Variants in PCDHGB3 observed in about 807,000 individuals in gnomAD.
PCDHGB3 encodes protocadherin gamma-B3.
In PCDHGB3, 40 loss-of-function variants were observed where a neutral mutation model predicts 59.2. The ratio of observed to expected loss-of-function variants is 0.68; its 90% CI spans 0.52 to 0.88. The LOEUF (loss-of-function observed/expected upper bound fraction) is 0.88, where lower values mean the gene tolerates loss of function less well. Ranked by LOEUF, PCDHGB3 falls within the 40% of genes least tolerant of loss-of-function variation. The pLI, the probability that PCDHGB3 is intolerant of heterozygous loss-of-function variation, is 0.00. For synonymous variants in PCDHGB3, 581 were observed against 503.6 expected (o/e 1.15, Z -2.06); for missense variants, 1,309 against 1,187.9 (o/e 1.10, Z -1.50).
rs755837851 is a variant in PCDHGB3, at chr5:141,376,241, C to G, written c.2415+3432C>G. On this transcript the variant is annotated intron_variant, in intron 1 of 3. Coordinates refer to ENST00000576222, the MANE Select transcript of PCDHGB3 (RefSeq NM_018924.5). ...GCTGGCGCTCAGACTGCAGCGCTGG[C>G]ACAAGTCACGCCTGCTGCAGGCTTC... 1.9e-6 allele frequency: 3 copies of G among 1,614,236 alleles called. No homozygotes were observed. The South Asian group carries it at 3.3e-5, about 18-fold the overall frequency.
chr5:141,392,750 G>A lies in PCDHGB3; in HGVS notation c.2415+19941G>A, dbSNP rs561923783. On this transcript the variant is annotated intron_variant, in intron 1 of 3. Coordinates refer to ENST00000576222, the MANE Select transcript of PCDHGB3 (RefSeq NM_018924.5). ...ATTGTCATCTCCATAGCTGCGGCAAGAAACTAAATAAGACCCATTTATGCA... is the reference window on the plus strand; with the variant it reads ...ATTGTCATCTCCATAGCTGCGGCAAAAAACTAAATAAGACCCATTTATGCA... 25 of 1,451,824 alleles carry A rather than the reference G, an allele frequency of 1.7e-5. No homozygotes were observed. In the Admixed American group the frequency reaches 4.2e-4, roughly 24 times the overall value. The allele number at this position is 1,451,824 out of a possible 1,614,324, so 89.9% of individuals were successfully genotyped here.
chr5:141,387,301 AT>A (rs888289074), intron 1 of PCDHGB3, among the ~76,000 whole-genome samples: 1 of 152,242 alleles, frequency 6.6e-6, no homozygotes, highest in African/African-American at 2.4e-5. Flanking sequence ...TGTATCCAGT[AT>A]ATTTCTAATG....
At chr5:141,401,485 G>A (rs2094160307) in intron 1 of PCDHGB3, among the ~76,000 whole-genome samples, 2 of 152,152 alleles carry the variant, frequency 1.3e-5, no homozygotes, top group Admixed American at 6.5e-5. Context: ...AGGTTTTCTT[G>A]GATGCAAAAT....
At chr5:141,413,215 T>C in intron 1 of PCDHGB3, 1 of 1,613,350 alleles carries the variant, frequency 6.2e-7, no homozygotes, top group Non-Finnish European at 8.5e-7. Context: ...ATCAAAGGAT[T>C]GCAGCGGGCT....
chr5:141,418,016 G>C (rs772945671), intron 1 of PCDHGB3: 1 of 1,613,968 alleles, frequency 6.2e-7, no homozygotes, highest in Non-Finnish European at 8.5e-7. Context: ...CCTCGCTAAG[G>C]ATCTAGGGCT....
At position 141,393,057 on chromosome 5, in the gene PCDHGB3, G is replaced by C. The variant is rs1273747847; in HGVS notation, c.2415+20248G>C. 9 of 1,613,514 alleles carry C rather than the reference G, an allele frequency of 5.6e-6. No homozygotes were observed. The highest frequency in any genetic ancestry group is 2.2e-5 in the South Asian group (2 of 91,064). ...GCTCTTTGCTCTGAACCCGCGCAGC[G>C]GCAGCTTGATCACCGCGGGCAGGAT... On this transcript the variant is annotated intron_variant, in intron 1 of 3. Coordinates refer to ENST00000576222, the MANE Select transcript of PCDHGB3 (RefSeq NM_018924.5).
rs370067669 is a variant in PCDHGB3 at position 141,419,410 on chromosome 5, G to A, written c.2415+46601G>A. ...CGCAGAGCGGGGTGGTGTTCGCGCA[G>A]CGCGCCTTCGACCACGAGCAGCTGC... On this transcript the variant is annotated intron_variant, in intron 1 of 3. Coordinates refer to ENST00000576222, the MANE Select transcript of PCDHGB3 (RefSeq NM_018924.5). 140 of 1,613,468 alleles carry A rather than the reference G, an allele frequency of 8.7e-5. No individual in the cohort carries two copies. In the African/African-American group the frequency reaches 1.8e-3, roughly 20 times the overall value.
At chr5:141,451,776 G>C (rs1279891846) in intron 1 of PCDHGB3, among the ~76,000 whole-genome samples, 1 of 152,078 alleles carries the variant, frequency 6.6e-6, no homozygotes, top group Non-Finnish European at 1.5e-5. Flanking sequence ...AGCTACTCAG[G>C]AGGCTGAGGC....
intron 2 of PCDHGB3, among the ~76,000 whole-genome samples, chr5:141,496,104 G>A (rs950960102): frequency 6.8e-6 from 1 of 146,980 alleles, no homozygotes; most frequent in African/African-American, 2.5e-5. Context: ...CCAACACCCC[G>A]CTCTCTTCCT....
chr5:141,453,364 G>A (rs921978865), intron 1 of PCDHGB3, among the ~76,000 whole-genome samples: 4 of 151,814 alleles, frequency 2.6e-5, no homozygotes, highest in African/African-American at 9.7e-5. Flanking sequence ...GAACTCCTGG[G>A]GTCAAGTGAT....
chr5:141,495,103 C>T (rs1383918796), intron 2 of PCDHGB3, among the ~76,000 whole-genome samples: 2 of 152,132 alleles, frequency 1.3e-5, no homozygotes, highest in Non-Finnish European at 2.9e-5. Context: ...TCGCCACGAC[C>T]GGCACCTTTT....
chr5:141,400,189 C>T (rs376855933), intron 1 of PCDHGB3: 52 of 1,613,938 alleles, frequency 3.2e-5, no homozygotes, highest in Non-Finnish European at 4.2e-5. Flanking sequence ...GCAGTTTTAC[C>T]TAGTGGTGGC....
chr5:141,404,169 C>T (rs199556803), intron 1 of PCDHGB3: 118 of 1,612,734 alleles, frequency 7.3e-5, no homozygotes, highest in Non-Finnish European at 8.8e-5. Flanking sequence ...AGATTGTTGA[C>T]GGCCCAAATT....
chr5:141,383,849 T>C (rs757932608), intron 1 of PCDHGB3: 9 of 1,613,952 alleles, frequency 5.6e-6, no homozygotes, highest in South Asian at 4.4e-5. Flanking sequence ...TTCTATGAAA[T>C]GGAGGTTCAG....
At chr5:141,420,883 C>A (rs992351503) in intron 1 of PCDHGB3, among the ~76,000 whole-genome samples, 1 of 152,216 alleles carries the variant, frequency 6.6e-6, no homozygotes, top group Non-Finnish European at 1.5e-5. Context: ...TATTGTGTAT[C>A]ATCGTTTTTA....
At chr5:141,483,555 C>CAG (rs1415499107) in intron 1 of PCDHGB3, among the ~76,000 whole-genome samples, 2 of 152,152 alleles carry the variant, frequency 1.3e-5, no homozygotes, top group African/African-American at 4.8e-5. Flanking sequence ...GTGCCATTCA[C>CAG]AGAGACAGTG....
chr5:141,431,976 C>T lies in PCDHGB3; in HGVS notation c.2415+59167C>T, dbSNP rs2097433306. ...TACGGAAATTACTATAGTTTAGTCACAGACATAGTCTTGGATAGGGAACAG... is the reference window on the plus strand; with the variant it reads ...TACGGAAATTACTATAGTTTAGTCATAGACATAGTCTTGGATAGGGAACAG... On this transcript the variant is annotated intron_variant, in intron 1 of 3. Transcript: ENST00000576222. This position sits in a 1 kb window ranked among gnomAD's most constrained non-coding sequence, Gnocchi z 4.8. 6.2e-7 allele frequency: 1 copy of T among 1,614,078 alleles called. No individual in the cohort carries two copies. The highest frequency in any genetic ancestry group is 1.3e-5 in the African/African-American group (1 of 74,934).
In PCDHGB3 at chr5:141,404,896, C is replaced by T. The variant is rs182502698; in HGVS notation, c.2415+32087C>T. ...AGAGCCTTGTGGTGGCTGTACAGGA[C>T]CATGGCCAGCCCCCTCTCTCGGCCA... On this transcript the variant is annotated intron_variant, in intron 1 of 3. Transcript: ENST00000576222. The T allele has an allele frequency of 3.7e-5, 59 of 1,613,884 alleles. No homozygotes were observed. The Admixed American group carries it at 8.3e-4, about 23-fold the overall frequency.
chr5:141,394,171 C>T (rs115102808), intron 1 of PCDHGB3: 17,700 of 1,613,924 alleles, frequency 0.011, 141 homozygotes, highest in Non-Finnish European at 0.013. Flanking sequence ...CCTACTTTCC[C>T]TCATGCCTCC....
Sources: allele counts gnomAD v4.1 joint callset (sites outside exome capture counted in the v4.1 genomes callset), GRCh38; gene constraint gnomAD v4.1.1; non-coding constraint Gnocchi (gnomAD v3.1); transcripts MANE v1.5; gene names NCBI Gene and HGNC (gene_info 2026-07-23, HGNC 2026-07-21).